SPSB1: variants seen among roughly 807,000 people sequenced by gnomAD.
The protein encoded by SPSB1 is splA/ryanodine receptor domain and SOCS box containing 1.
Under a neutral mutation model 21.2 loss-of-function variants are expected in SPSB1, and 8 were observed. The observed-to-expected ratio is 0.38, with a 90% confidence interval of 0.22 to 0.68. The LOEUF (loss-of-function observed/expected upper bound fraction) is 0.68, where lower values mean the gene tolerates loss of function less well. SPSB1 is among the 30% of genes least tolerant of loss of function. SPSB1 has a pLI of 0.53. For synonymous variants in SPSB1, 169 were observed against 161.7 expected, an observed-to-expected ratio of 1.05 and a Z score of -0.34; for missense variants, 242 against 377.8, an observed-to-expected ratio of 0.64 and a Z score of 2.98.
rs1210218209 is a variant in SPSB1, at chr1:9,292,904, C to T, written c.-317C>T. The T allele has an allele frequency of 2.0e-6, 2 of 982,626 alleles. No individual in the cohort carries two copies. Among genetic ancestry groups the T allele is most frequent in the African/African-American group, 1.8e-5 (1 of 56,712 alleles). 60.9% of individuals were successfully genotyped at this position (982,626 alleles called of 1,614,324 possible). A position where few individuals can be genotyped will look rare whatever the true frequency, so the allele number is the denominator to read the frequency against. ...TGCTTTTTCTCCTCCGCACAGAAGT[C>T]GCGCTCGGGCAGCCTGCGCGCTCGC... On this transcript the variant is annotated 5_prime_UTR_variant, in exon 1 of 3. Transcript: ENST00000328089.
At chr1:9,355,564 C>A in intron 1 of SPSB1, 179 bp from the exon 2 acceptor site, 1 of 577,580 alleles carries the variant, frequency 1.7e-6, no homozygotes, top group Non-Finnish European at 2.3e-6. Flanking sequence ...TTTGTGACAG[C>A]TAGCCAGGGA....
chr1:9,329,703 A>C (rs1639882424), intron 1 of SPSB1, among the ~76,000 whole-genome samples: 1 of 129,344 alleles, frequency 7.7e-6, no homozygotes, highest in Non-Finnish European at 1.5e-5. Flanking sequence ...AAAAACAACA[A>C]CAAAAAAAAA....
intron 2 of SPSB1, among the ~76,000 whole-genome samples, chr1:9,365,012 T>C (rs1002386634): frequency 2.6e-5 from 4 of 152,184 alleles, no homozygotes; most frequent in African/African-American, 9.7e-5. Context: ...CCACCATGCC[T>C]GGCTCATTTT....
chr1:9,295,521 C>A (rs1022066315), intron 1 of SPSB1, among the ~76,000 whole-genome samples: 3 of 152,188 alleles, frequency 2.0e-5, no homozygotes, highest in Non-Finnish European at 4.4e-5. Context: ...GAGGCCGTTT[C>A]TTGGGCTGCT....
intron 1 of SPSB1, among the ~76,000 whole-genome samples, chr1:9,341,795 C>T (rs540359460): frequency 3.3e-5 from 5 of 152,320 alleles, no homozygotes; most frequent in South Asian, 2.1e-4. Flanking sequence ...CTCCACCTCC[C>T]GGGTTCAAGC....
At chr1:9,332,695 A>T (rs762961356) in intron 1 of SPSB1, among the ~76,000 whole-genome samples, 5 of 152,236 alleles carry the variant, frequency 3.3e-5, no homozygotes, top group Non-Finnish European at 5.9e-5. Flanking sequence ...AGTGAGTCAG[A>T]TACTGTCACA....
intron 1 of SPSB1, among the ~76,000 whole-genome samples, chr1:9,313,520 C>T (rs1639560051): frequency 6.6e-6 from 1 of 152,190 alleles, no homozygotes; most frequent in Non-Finnish European, 1.5e-5. Flanking sequence ...CCCACATGAC[C>T]TCTGAGTGGG....
At position 9,355,881 on chromosome 1, in the gene SPSB1, CA is replaced by C; in HGVS notation, c.-10del. On this transcript the variant is annotated 5_prime_UTR_variant, in exon 2 of 3. Coordinates refer to ENST00000328089, the MANE Select transcript of SPSB1 (RefSeq NM_025106.4). ...TTGGGAGTCGGTAAGAAGGTGAAGC[CA>C]GGGGCGAACATGGGTCAGAAGGTCA... is the stretch of plus-strand genomic sequence containing the variant. The C allele has an allele frequency of 1.3e-6, 2 of 1,538,024 alleles. No homozygotes were observed. The highest frequency in any genetic ancestry group is 1.8e-6 in the Non-Finnish European group (2 of 1,140,950).
chr1:9,332,443 G>A (rs1380443319), intron 1 of SPSB1, among the ~76,000 whole-genome samples: 1 of 152,178 alleles, frequency 6.6e-6, no homozygotes, highest in African/African-American at 2.4e-5. Context: ...ATAGAAATTG[G>A]CAGCATTGTA....
In SPSB1 at chr1:9,348,241, ACT is replaced by A. The variant is rs1491586014; in HGVS notation, c.-149-7501_-149-7500del. ...ATTACAGGCGTGAGCCACCGCGGCA[ACT>A]TTTTTTAACCCTGGGCATCCCACAG... On this transcript the variant is annotated intron_variant, in intron 1 of 2. Coordinates refer to ENST00000328089, the MANE Select transcript of SPSB1 (RefSeq NM_025106.4). The surrounding 1 kb of genome is among the most constrained non-coding windows in gnomAD (Gnocchi z 4.8). 6.6e-6 allele frequency among the ~76,000 whole-genome samples: 1 copy of A among 151,360 alleles called. No homozygotes were observed. Among genetic ancestry groups the A allele is most frequent in the Non-Finnish European group, 1.5e-5 (1 of 67,878 alleles).
chr1:9,321,761 TGGA>T lies in SPSB1; in HGVS notation c.-150+28700_-150+28702del, dbSNP rs909331858. On this transcript the variant is annotated intron_variant, in intron 1 of 2. Transcript: ENST00000328089. The surrounding 1 kb of genome is among the most constrained non-coding windows in gnomAD (Gnocchi z 4.8). The stretch of plus-strand genomic sequence containing the variant: ...TGTGAATCACATGACTCTGAGTCGG[TGGA>T]GGAGGAGGACTCTGAGAGGCTGGGA... Among the ~76,000 whole-genome samples, 1 of 151,852 alleles carries T rather than the reference TGGA, an allele frequency of 6.6e-6. No homozygotes were observed. Among genetic ancestry groups the T allele is most frequent in the African/African-American group, 2.4e-5 (1 of 41,294 alleles).
intron 1 of SPSB1, among the ~76,000 whole-genome samples, chr1:9,316,816 C>G (rs1026348743): frequency 4.6e-5 from 7 of 152,200 alleles, no homozygotes; most frequent in Non-Finnish European, 1.0e-4. Flanking sequence ...AGGTGGCTGG[C>G]TTTCCACCTC....
rs1639484832 is a variant in SPSB1, at chr1:9,309,667, AC to A, written c.-150+16600del. 2.0e-5 allele frequency among the ~76,000 whole-genome samples: 3 copies of A among 151,922 alleles called. No homozygotes were observed. The South Asian group carries it at 6.3e-4, about 32-fold the overall frequency. On this transcript the variant is annotated intron_variant, in intron 1 of 2. Transcript: ENST00000328089. ...AGACCAGCCTGACCAACACAGTGAA[AC>A]CCCGTCTCTACTAAAAATATAAAAA...
At chr1:9,303,120 A>G (rs1458462633) in intron 1 of SPSB1, among the ~76,000 whole-genome samples, 1 of 152,180 alleles carries the variant, frequency 6.6e-6, no homozygotes, top group Non-Finnish European at 1.5e-5. Flanking sequence ...CTGGACTACC[A>G]AGGGGAAATT....
chr1:9,319,468 G>A (rs1639672779), intron 1 of SPSB1, among the ~76,000 whole-genome samples: 1 of 152,118 alleles, frequency 6.6e-6, no homozygotes. Context: ...TACAGGGGTG[G>A]GATGAGAGGC....
chr1:9,353,799 T>C (rs573199285), intron 1 of SPSB1, among the ~76,000 whole-genome samples: 31 of 151,704 alleles, frequency 2.0e-4, no homozygotes, highest in African/African-American at 7.3e-4. Context: ...GCGCCTGTAA[T>C]CCCAGCTACT....
intron 1 of SPSB1, among the ~76,000 whole-genome samples, chr1:9,339,432 C>T (rs960200189): frequency 3.9e-5 from 6 of 152,152 alleles, no homozygotes; most frequent in Non-Finnish European, 8.8e-5. Context: ...CTGGAGGCGA[C>T]GGAGAGGTGC....
chr1:9,365,955 C>G (rs1333962847), intron 2 of SPSB1, among the ~76,000 whole-genome samples: 1 of 152,240 alleles, frequency 6.6e-6, no homozygotes, highest in Non-Finnish European at 1.5e-5. Context: ...GGGGTCTGCT[C>G]TGGCGAAGCG....
At chr1:9,326,364 G>T (rs544459881) in intron 1 of SPSB1, among the ~76,000 whole-genome samples, 2 of 152,300 alleles carry the variant, frequency 1.3e-5, no homozygotes, top group African/African-American at 4.8e-5. Flanking sequence ...CCCCGTGGAA[G>T]CTCTTGGAGT....
Sources: gnomAD v4.1 joint callset for allele counts (sites outside exome capture counted in the v4.1 genomes callset) on GRCh38, gnomAD v4.1.1 for gene constraint, Gnocchi (gnomAD v3.1) non-coding constraint, MANE v1.5 for transcripts, NCBI Gene and HGNC (gene_info 2026-07-23, HGNC 2026-07-21) for gene names.